Variants in PRIM2 observed in about 807,000 individuals in gnomAD.
The protein encoded by PRIM2 is DNA primase large subunit.
In PRIM2, 39 loss-of-function variants were observed where a neutral mutation model predicts 67.3. The ratio of observed to expected loss-of-function variants is 0.58; its 90% CI spans 0.45 to 0.76. PRIM2 has a LOEUF of 0.76. Among genes scored for constraint, PRIM2 ranks in the 30% least tolerant of loss-of-function variants. The probability of loss-of-function intolerance (pLI) is 0.00; values close to 1 mark genes in which losing one functional copy is unlikely to be tolerated. For synonymous variants in PRIM2, 143 were observed against 198.7 expected (o/e 0.72, Z 2.36); for missense variants, 398 against 598.7 (o/e 0.66, Z 3.50).
intron 5 of PRIM2, among the ~76,000 whole-genome samples, chr6:57,344,371 T>G (rs1768600333): frequency 6.6e-6 from 1 of 152,062 alleles, no homozygotes; most frequent in African/African-American, 2.4e-5. Context: ...ATAATAGGTA[T>G]ATGTTATATA....
Position 57,349,248 on chromosome 6 carries a change from G to A in PRIM2, c.459+23203G>A, listed in dbSNP as rs968081900. On this transcript the variant is annotated intron_variant, in intron 5 of 13. Coordinates refer to ENST00000615550, the MANE Select transcript of PRIM2 (RefSeq NM_000947.5). ...GTTGAGGAAGATAATACTTTGTTTC[G>A]TTCTGAGTGTTTCTGAGTTCGCTTT... is the stretch of plus-strand genomic sequence containing the variant. Among the ~76,000 whole-genome samples, 11 of 151,878 alleles carry A rather than the reference G, an allele frequency of 7.2e-5. No homozygotes were observed. The South Asian group carries it at 1.7e-3, about 23-fold the overall frequency.
intron 7 of PRIM2, among the ~76,000 whole-genome samples, chr6:57,470,155 G>A (rs1202937236): frequency 1.3e-5 from 2 of 152,068 alleles, no homozygotes; most frequent in African/African-American, 4.8e-5. Flanking sequence ...TAGTATTTGA[G>A]CGTTGTGGCA....
intron 13 of PRIM2, among the ~76,000 whole-genome samples, chr6:57,644,142 A>G (rs1484065194): frequency 2.0e-5 from 3 of 152,260 alleles, no homozygotes; most frequent in Middle Eastern, 3.4e-3. Flanking sequence ...CTGATTTTCA[A>G]GGCTCTCTCA....
chr6:57,614,911 T>C (rs1378396017), intron 12 of PRIM2, among the ~76,000 whole-genome samples: 6 of 152,308 alleles, frequency 3.9e-5, no homozygotes, highest in South Asian at 4.1e-4. Flanking sequence ...CTTTCATTAA[T>C]TTCTTTTCAA....
intron 12 of PRIM2, among the ~76,000 whole-genome samples, chr6:57,623,028 C>CT: frequency 6.6e-6 from 1 of 152,280 alleles, no homozygotes; most frequent in Admixed American, 6.5e-5. Flanking sequence ...TTCTGTCTGT[C>CT]TATTACTTTG....
chr6:57,522,198 C>T (rs1774639088), intron 8 of PRIM2, among the ~76,000 whole-genome samples: 1 of 152,294 alleles, frequency 6.6e-6, no homozygotes, highest in South Asian at 2.1e-4. Context: ...AGCACATTTA[C>T]AGTAAACTTG....
chr6:57,222,023 C>T, the PRIM2 span: 2 of 152,292 alleles, frequency 1.3e-5, no homozygotes, highest in East Asian at 3.9e-4. Flanking sequence ...CGCTACTCAC[C>T]GTCCCCCACC....
At chr6:57,464,634 G>C (rs1773126091) in intron 7 of PRIM2, among the ~76,000 whole-genome samples, 1 of 152,136 alleles carries the variant, frequency 6.6e-6, no homozygotes. Context: ...ACTCAGTGTA[G>C]ATGGGTTGAA....
At chr6:57,342,120 A>G (rs1768513623) in intron 5 of PRIM2, among the ~76,000 whole-genome samples, 1 of 152,168 alleles carries the variant, frequency 6.6e-6, no homozygotes. Flanking sequence ...GTGTTCTATT[A>G]CTGACTTGGG....
the PRIM2 span, among the ~76,000 whole-genome samples, chr6:57,260,832 A>G: frequency 6.6e-6 from 1 of 152,192 alleles, no homozygotes; most frequent in Non-Finnish European, 1.5e-5. Flanking sequence ...ATAGGGATTG[A>G]TAAAATAGCT....
chr6:57,410,147 T>C (rs1326315956), intron 7 of PRIM2, among the ~76,000 whole-genome samples: 1 of 151,912 alleles, frequency 6.6e-6, no homozygotes, highest in Non-Finnish European at 1.5e-5. Context: ...GGTGAAACCC[T>C]GTCTAAAATA....
At chr6:57,616,582 T>A (rs1217291487) in intron 12 of PRIM2, among the ~76,000 whole-genome samples, 2 of 152,164 alleles carry the variant, frequency 1.3e-5, no homozygotes, top group African/African-American at 4.8e-5. Context: ...GAAATAAAGA[T>A]GAGAATAATT....
chr6:57,505,313 G>C (rs1233935497), intron 7 of PRIM2: 1 of 152,202 alleles, frequency 6.6e-6, no homozygotes, highest in African/African-American at 2.4e-5. Flanking sequence ...TCTTGCCAGA[G>C]ATTCAATCTC....
intron 9 of PRIM2, among the ~76,000 whole-genome samples, chr6:57,534,905 T>G (rs1164716644): frequency 3.9e-5 from 6 of 152,340 alleles, no homozygotes; most frequent in African/African-American, 1.4e-4. Context: ...CCACCCAAAT[T>G]GAAGTACCTC....
intron 5 of PRIM2, among the ~76,000 whole-genome samples, chr6:57,374,521 T>C (rs1769687610): frequency 6.6e-6 from 1 of 151,580 alleles, no homozygotes; most frequent in Non-Finnish European, 1.5e-5. Context: ...CTCGATCTCC[T>C]GACCTCGTGA....
At chr6:57,268,728 A>C in the PRIM2 span, among the ~76,000 whole-genome samples, 1,235 of 150,386 alleles carry the variant, frequency 8.2e-3, 20 homozygotes, top group African/African-American at 0.029. Flanking sequence ...GGTGTGCTGC[A>C]CCCATTAACT....
chr6:57,454,658 A>G (rs1187305240), intron 7 of PRIM2, among the ~76,000 whole-genome samples: 4 of 151,824 alleles, frequency 2.6e-5, no homozygotes, highest in Non-Finnish European at 5.9e-5. Context: ...TATTGCATCT[A>G]TTTGATTCTT....
At chr6:57,221,979 A>C in the PRIM2 span, 6 of 152,198 alleles carry the variant, frequency 3.9e-5, no homozygotes, top group Non-Finnish European at 7.3e-5. Flanking sequence ...GGAGAGGGCG[A>C]GTGAGTGCAG....
At chr6:57,379,557 T>A (rs1462443805) in intron 5 of PRIM2, among the ~76,000 whole-genome samples, 1 of 152,206 alleles carries the variant, frequency 6.6e-6, no homozygotes, top group Admixed American at 6.5e-5. Context: ...TAACTCAAAT[T>A]AGGATAATGC....
Sources: allele counts gnomAD v4.1 joint callset (sites outside exome capture counted in the v4.1 genomes callset), GRCh38; gene constraint gnomAD v4.1.1; transcripts MANE v1.5; gene names NCBI Gene and HGNC (gene_info 2026-07-23, HGNC 2026-07-21).